HERC3: variants seen among roughly 807,000 people sequenced by gnomAD.
HERC3 encodes the protein probable E3 ubiquitin-protein ligase HERC3.
In HERC3, 58 loss-of-function variants were observed where a neutral mutation model predicts 129.9. That is an observed-to-expected ratio of 0.45 (90% CI 0.36 to 0.56). The LOEUF (loss-of-function observed/expected upper bound fraction) is 0.56. Among genes scored for constraint, HERC3 ranks in the 20% least tolerant of loss-of-function variants. The pLI is 0.00. For synonymous variants in HERC3, 430 were observed against 451.0 expected, an observed-to-expected ratio of 0.95 and a Z score of 0.59; for missense variants, 835 against 1,244.2, an observed-to-expected ratio of 0.67 and a Z score of 4.95.
intron 3 of HERC3, among the ~76,000 whole-genome samples, chr4:88,646,939 G>A (rs1560714516): frequency 6.6e-6 from 1 of 152,174 alleles, no homozygotes; most frequent in Non-Finnish European, 1.5e-5. Context: ...TGTGGTGAGG[G>A]TAGCTGGATT....
the HERC3 span, among the ~76,000 whole-genome samples, chr4:88,551,290 A>C: frequency 2.0e-5 from 3 of 151,470 alleles, no homozygotes; most frequent in Admixed American, 6.6e-5. Context: ...AATGGGATCT[A>C]ATTAAACTAA....
intron 2 of HERC3, among the ~76,000 whole-genome samples, chr4:88,602,346 G>T (rs1334444533): frequency 6.9e-6 from 1 of 144,064 alleles, no homozygotes; most frequent in Non-Finnish European, 1.5e-5. Flanking sequence ...AGGTTGCAGT[G>T]AGCTGAGATT....
At chr4:88,641,777 T>A (rs1457789120) in intron 3 of HERC3, among the ~76,000 whole-genome samples, 2 of 151,920 alleles carry the variant, frequency 1.3e-5, no homozygotes, top group Non-Finnish European at 2.9e-5. Flanking sequence ...TCTAAATAGG[T>A]TATCTATAAC....
chr4:88,575,137 T>G, the HERC3 span, among the ~76,000 whole-genome samples: 2 of 152,186 alleles, frequency 1.3e-5, no homozygotes, highest in Admixed American at 1.3e-4. Flanking sequence ...TTGAAAAGCC[T>G]TTATTGGAAT....
At chr4:88,535,819 A>T in the HERC3 span, among the ~76,000 whole-genome samples, 482 of 152,354 alleles carry the variant, frequency 3.2e-3, no homozygotes, top group African/African-American at 0.011. Context: ...TTTCCAATAC[A>T]AGACATTTGG....
chr4:88,676,771 T>C (rs1198324178), intron 18 of HERC3, among the ~76,000 whole-genome samples: 2 of 152,228 alleles, frequency 1.3e-5, no homozygotes. Context: ...TTTATGTATG[T>C]TGAAATTTGC....
chr4:88,634,639 C>G (rs1360131206), intron 3 of HERC3, among the ~76,000 whole-genome samples: 4 of 151,488 alleles, frequency 2.6e-5, no homozygotes, highest in Non-Finnish European at 5.9e-5. Flanking sequence ...AAGAGATAGC[C>G]AAAGTGCTTT....
In HERC3 at chr4:88,707,191, T is replaced by G. The variant is rs764039380; in HGVS notation, c.*231T>G. 2 of 525,474 alleles carry G rather than the reference T, an allele frequency of 3.8e-6. No homozygotes were observed. The highest frequency in any genetic ancestry group is 3.4e-6 in the Non-Finnish European group (1 of 293,386). 32.6% of individuals were successfully genotyped at this position (525,474 alleles called of 1,614,324 possible). Reference sequence around the variant, plus strand: ...ATTGGCCCTTGTATGGGAGGTGTTTTTGTTTTTGTTTTAAACCAAACTACC... The same window carrying G: ...ATTGGCCCTTGTATGGGAGGTGTTTGTGTTTTTGTTTTAAACCAAACTACC... On this transcript the variant is annotated 3_prime_UTR_variant, in exon 26 of 26. Transcript: ENST00000402738.
intron 3 of HERC3, among the ~76,000 whole-genome samples, chr4:88,610,247 G>C (rs1724147972): frequency 6.6e-6 from 1 of 152,142 alleles, no homozygotes; most frequent in South Asian, 2.1e-4. Context: ...GAGGTCAGGA[G>C]TCCGAGACCA....
At chr4:88,669,284 A>G (rs904954111) in intron 14 of HERC3, among the ~76,000 whole-genome samples, 12 of 152,140 alleles carry the variant, frequency 7.9e-5, no homozygotes, top group African/African-American at 2.9e-4. Flanking sequence ...TCATTCTTTA[A>G]GTATTTCAGT....
At position 88,668,135 on chromosome 4, in the gene HERC3, G is replaced by T. The variant is rs1326507239; in HGVS notation, c.1633+54G>T. 10 of 1,385,818 alleles carry T rather than the reference G, an allele frequency of 7.2e-6. No individual in the cohort carries two copies. In the Middle Eastern group the frequency reaches 7.1e-4, roughly 99 times the overall value. The allele number at this position is 1,385,818 out of a possible 1,614,324, so 85.8% of individuals were successfully genotyped here. A position where few individuals can be genotyped will look rare whatever the true frequency, so the allele number is the denominator to read the frequency against. On this transcript the variant is annotated intron_variant, in intron 14 of 25. Transcript: ENST00000402738. ...TTTTATGGTCATTTGTTTTGTTGGT[G>T]TGACTCCTGGCTCTCAGTGGATTGA...
chr4:88,690,385 T>C, intron 23 of HERC3: 1 of 985,464 alleles, frequency 1.0e-6, no homozygotes, highest in Non-Finnish European at 1.2e-6. Flanking sequence ...TATAACATTG[T>C]AGATGCGTGT....
intron 3 of HERC3, among the ~76,000 whole-genome samples, chr4:88,607,489 G>A (rs1259976958): frequency 1.3e-5 from 2 of 151,756 alleles, no homozygotes; most frequent in Admixed American, 6.6e-5. Context: ...TTTGAGACAG[G>A]ATCTGGCTCT....
the HERC3 span, among the ~76,000 whole-genome samples, chr4:88,550,135 A>C: frequency 1.3e-5 from 2 of 152,146 alleles, no homozygotes; most frequent in Non-Finnish European, 2.9e-5. Flanking sequence ...CTAGGAGAGA[A>C]ATTACCTGCT....
At position 88,693,199 on chromosome 4, in the gene HERC3, C is replaced by T; in HGVS notation, c.2657+5900C>T. On this transcript the variant is annotated intron_variant, in intron 23 of 25. Transcript: ENST00000402738. Reference sequence around the variant, plus strand: ...CTTTTTTATTCCTCTTTTTTCTCTTCCCCCCCACCACCATTTTTAATAAGA... The same window carrying T: ...CTTTTTTATTCCTCTTTTTTCTCTTTCCCCCCACCACCATTTTTAATAAGA... 5 of 979,440 alleles carry T rather than the reference C, an allele frequency of 5.1e-6. No individual in the cohort carries two copies. The South Asian group carries it at 1.4e-4, about 28-fold the overall frequency. 60.7% of individuals were successfully genotyped at this position (979,440 alleles called of 1,614,324 possible). A position where few individuals can be genotyped will look rare whatever the true frequency, so the allele number is the denominator to read the frequency against.
At chr4:88,662,341 C>T (rs1172367624) in intron 10 of HERC3, 90 bp from the exon 11 acceptor site, 31 of 1,308,076 alleles carry the variant, frequency 2.4e-5, no homozygotes, top group Middle Eastern at 4.2e-4. Context: ...ATAAGTGAAA[C>T]GTAAAATGGA....
intron 3 of HERC3, among the ~76,000 whole-genome samples, chr4:88,617,298 G>A (rs974715345): frequency 1.3e-4 from 20 of 151,570 alleles, no homozygotes; most frequent in Admixed American, 1.1e-3. Context: ...AGGGTTATAA[G>A]GTTCTATCTC....
intron 2 of HERC3, among the ~76,000 whole-genome samples, chr4:88,595,834 C>T (rs1173261439): frequency 7.1e-6 from 1 of 141,728 alleles, no homozygotes; most frequent in Non-Finnish European, 1.5e-5. Flanking sequence ...GCTTCAAGCA[C>T]TTAATTCTTT....
chr4:88,702,326 C>G (rs1167119606), intron 23 of HERC3, among the ~76,000 whole-genome samples: 1 of 152,196 alleles, frequency 6.6e-6, no homozygotes, highest in Admixed American at 6.5e-5. Flanking sequence ...GTTATCTACT[C>G]TTACTCTCCC....
Sources: allele counts gnomAD v4.1 joint callset (sites outside exome capture counted in the v4.1 genomes callset), GRCh38; gene constraint gnomAD v4.1.1; transcripts MANE v1.5; gene names NCBI Gene and HGNC (gene_info 2026-07-23, HGNC 2026-07-21).